The following ARHGAP21 variants were observed in gnomAD, a reference collection of about 807,000 sequenced individuals.
The protein encoded by ARHGAP21 is Rho GTPase activating protein 21.
In ARHGAP21, 38 loss-of-function variants were observed where a neutral mutation model predicts 164.6. The ratio of observed to expected loss-of-function variants is 0.23; its 90% confidence interval spans 0.18 to 0.30. The LOEUF (loss-of-function observed/expected upper bound fraction) is 0.30, where lower values mean the gene tolerates loss of function less well. Among genes scored for constraint, ARHGAP21 ranks in the 10% least tolerant of loss-of-function variants. The pLI is 1.00. For missense variants in ARHGAP21, 1,822 were observed against 2,370.7 expected (o/e 0.77, Z 4.81); for synonymous variants, 766 against 857.9 (o/e 0.89, Z 1.87).
Position 24,600,673 on chromosome 10 carries a change from G to A in ARHGAP21, c.3105C>T (p.Ile1035=). ...RDDMLAWIKT[I]QESSNLNEED... ...CTTCGTTTAGGTTGCTGCTCTCCTG[G>A]ATCGTCTTGATCCAAGCTAGCATAT... Residue 1035 remains isoleucine (I), a synonymous_variant, in exon 14 of 26, where the codon ATC becomes ATT. Coordinates refer to ENST00000396432, the MANE Select transcript of ARHGAP21 (RefSeq NM_020824.4). 6.2e-7 allele frequency: 1 copy of A among 1,613,830 alleles called. No individual in the cohort carries two copies. The highest frequency in any genetic ancestry group is 8.5e-7 in the Non-Finnish European group (1 of 1,179,806).
chr10:24,600,927 C>G lies in ARHGAP21; in HGVS notation c.2851G>C (p.Val951Leu). The G allele has an allele frequency of 6.2e-7, 1 of 1,608,864 alleles. No individual in the cohort carries two copies. The highest frequency in any genetic ancestry group is 8.5e-7 in the Non-Finnish European group (1 of 1,175,954). The change falls in exon 14 of 26, where the codon GTT becomes CTT. Residue 951 changes from valine (V) to leucine (L), a missense_variant. Transcript: ENST00000396432. The part of the protein sequence containing the change: ...RPLVTDKGKR[V>L]GGSIRPWKQM... ...TTCCATGGCCGAATACTTCCACCAA[C>G]TCGCTAGAAAACATGCGACAGTTCT... is the stretch of plus-strand genomic sequence containing the variant.
intron 2 of ARHGAP21, among the ~76,000 whole-genome samples, chr10:24,690,954 G>C (rs778048282): frequency 6.6e-6 from 1 of 151,682 alleles, no homozygotes; most frequent in Non-Finnish European, 1.5e-5. Flanking sequence ...GCGTCTTTAA[G>C]ATTAAATTAG....
chr10:24,592,188 C>T (rs1303612993), intron 21 of ARHGAP21, among the ~76,000 whole-genome samples, 176 bp from the exon 22 acceptor site: 6 of 105,252 alleles, frequency 5.7e-5, no homozygotes, highest in African/African-American at 1.9e-4. Flanking sequence ...TTTTCTGAGA[C>T]AGGGTCTCAC....
At chr10:24,680,105 TG>T (rs1161179414) in intron 2 of ARHGAP21, among the ~76,000 whole-genome samples, 18 of 152,312 alleles carry the variant, frequency 1.2e-4, no homozygotes, top group African/African-American at 3.4e-4. Context: ...TGTCCAGATT[TG>T]CTAAGTGATT....
intron 11 of ARHGAP21, among the ~76,000 whole-genome samples, chr10:24,606,302 G>A (rs983340277): frequency 6.6e-6 from 1 of 151,850 alleles, no homozygotes; most frequent in Non-Finnish European, 1.5e-5. Flanking sequence ...ACACATCACA[G>A]AAAAATGTTA....
intron 4 of ARHGAP21, among the ~76,000 whole-genome samples, chr10:24,643,298 TATC>T (rs1443845583): frequency 1.3e-5 from 2 of 152,372 alleles, no homozygotes; most frequent in East Asian, 1.9e-4. Context: ...CACACAGTAT[TATC>T]ATATCTAGAT....
chr10:24,723,708 A>AGGCCGCCGCCCCCGGCC lies in ARHGAP21; in HGVS notation c.-544_-528dup, dbSNP rs1368464707. 2 of 143,900 alleles carry AGGCCGCCGCCCCCGGCC rather than the reference A, an allele frequency of 1.4e-5. No individual in the cohort carries two copies. The highest frequency in any genetic ancestry group is 3.0e-5 in the Non-Finnish European group (2 of 65,636). 8.9% of individuals were successfully genotyped at this position (143,900 alleles called of 1,614,324 possible). A position where few individuals can be genotyped will look rare whatever the true frequency, so the allele number is the denominator to read the frequency against. ...CCGCCGCCGCCGCCGCCGCGCTCCG[A>AGGCCGCCGCCCCCGGCC]GGCCGCCGCCCCCGGCCGGCCGCTC... On this transcript the variant is annotated 5_prime_UTR_variant, in exon 1 of 26. Coordinates refer to ENST00000396432, the MANE Select transcript of ARHGAP21 (RefSeq NM_020824.4).
intron 9 of ARHGAP21, among the ~76,000 whole-genome samples, chr10:24,617,373 A>T (rs1469689375): frequency 1.3e-5 from 2 of 152,178 alleles, no homozygotes; most frequent in Non-Finnish European, 2.9e-5. Flanking sequence ...ATAAGATCGC[A>T]TGGGCCTGTG....
chr10:24,595,940 C>A lies in ARHGAP21; in HGVS notation c.3581G>T (p.Ser1194Ile). ...RVPGNNAAIS[S>I]MQEELNKGMA... ...TCCCTTGTTGAGTTCTTCTTGCATA[C>A]TTGAGATGGCTGCATTATTTCCAGG... Residue 1194 changes from serine (S) to isoleucine (I), a missense_variant, in exon 18 of 26, where the codon AGT becomes ATT. By Grantham distance (142) the Ser-to-Ile change is moderately radical. This residue lies in a region of ARHGAP21 where 117 missense variants were observed against 238.1 expected (regional missense o/e 0.49). Coordinates refer to ENST00000396432, the MANE Select transcript of ARHGAP21 (RefSeq NM_020824.4). The A allele has an allele frequency of 1.2e-6, 2 of 1,613,552 alleles. No individual in the cohort carries two copies. Among genetic ancestry groups the A allele is most frequent in the South Asian group, 2.2e-5 (2 of 90,952 alleles).
intron 2 of ARHGAP21, among the ~76,000 whole-genome samples, chr10:24,696,855 G>A (rs1843218910): frequency 1.3e-5 from 2 of 152,312 alleles, no homozygotes; most frequent in Non-Finnish European, 2.9e-5. Flanking sequence ...GACACTCCGT[G>A]TACCACGGCA....
intron 2 of ARHGAP21, among the ~76,000 whole-genome samples, chr10:24,721,115 C>T (rs1197327908): frequency 1.3e-5 from 2 of 152,054 alleles, no homozygotes; most frequent in African/African-American, 4.8e-5. Context: ...TCTCTGGGCC[C>T]TTGGGAAGAT....
intron 2 of ARHGAP21, among the ~76,000 whole-genome samples, chr10:24,672,960 T>C (rs967503354): frequency 1.3e-5 from 2 of 152,298 alleles, no homozygotes; most frequent in African/African-American, 4.8e-5. Flanking sequence ...CATTTATAAT[T>C]ACATTAAAAT....
intron 11 of ARHGAP21, 47 bp downstream of exon 11, chr10:24,607,452 A>G: frequency 6.6e-7 from 1 of 1,508,948 alleles, no homozygotes. Context: ...GTCATGCTGA[A>G]CACCCACCCA....
chr10:24,721,410 C>T lies in ARHGAP21; in HGVS notation c.63+427G>A, dbSNP rs544380078. Among the ~76,000 whole-genome samples, 7 of 152,310 alleles carry T rather than the reference C, an allele frequency of 4.6e-5. No homozygotes were observed. The South Asian group carries it at 1.0e-3, about 23-fold the overall frequency. ...AAGAAAGACTAAGTTCCAGGTGCAACAAGCATACTAGCTGCCCTCTCTGCA... is the reference window on the plus strand; with the variant it reads ...AAGAAAGACTAAGTTCCAGGTGCAATAAGCATACTAGCTGCCCTCTCTGCA... On this transcript the variant is annotated intron_variant, in intron 2 of 25. Transcript: ENST00000396432.
At chr10:24,587,267 G>A (rs1361052583) in intron 25 of ARHGAP21, among the ~76,000 whole-genome samples, 3 of 152,054 alleles carry the variant, frequency 2.0e-5, no homozygotes, top group Non-Finnish European at 4.4e-5. Flanking sequence ...TTACAGGCAT[G>A]AGCCACTGCA....
chr10:24,679,717 G>C (rs1841592982), intron 2 of ARHGAP21, among the ~76,000 whole-genome samples: 1 of 152,178 alleles, frequency 6.6e-6, no homozygotes, highest in Non-Finnish European at 1.5e-5. Context: ...GGCAAATGAT[G>C]ATGAGTATCT....
At chr10:24,589,582 A>T (rs749344810) in intron 24 of ARHGAP21, 3 of 359,006 alleles carry the variant, frequency 8.4e-6, no homozygotes, top group African/African-American at 2.2e-5. Flanking sequence ...CGTGTTTATT[A>T]GACTTTCTAA....
chr10:24,585,928 G>A lies in ARHGAP21; in HGVS notation c.4361C>T (p.Thr1454Ile), dbSNP rs1213401122. Residue 1454 changes from threonine (T) to isoleucine (I), a missense_variant, in exon 26 of 26, where the codon ACT (threonine) becomes ATT (isoleucine). Thr to Ile is a moderately conservative substitution (Grantham distance 89, BLOSUM62 -1). Transcript: ENST00000396432. The stretch of plus-strand genomic sequence containing the variant: ...ACTTTCTTTTTTGGACTCCTCTTTA[G>A]TATCATTGTGACACTGTTCCACATT... Reference protein sequence around the residue: ...KENVEQCHNDTKEESKKESET... With the variant: ...KENVEQCHNDIKEESKKESET... 17 of 1,614,010 alleles carry A rather than the reference G, an allele frequency of 1.1e-5. No homozygotes were observed. Among genetic ancestry groups the A allele is most frequent in the East Asian group, 8.9e-5 (4 of 44,876 alleles).
rs1337733939 is a variant in ARHGAP21, at chr10:24,670,242, C to T, written c.219G>A (p.Glu73=). Residue 73 remains glutamate (E), a synonymous_variant, in exon 3 of 26, where the codon GAG becomes GAA. Coordinates refer to ENST00000396432, the MANE Select transcript of ARHGAP21 (RefSeq NM_020824.4). ...TLRHFIVYPP[E]SAIQFSYKDE... Reference sequence around the variant, plus strand: ...CCTTATATGAAAATTGAATTGCAGACTCTGGGGGATAAACAATAAAATGTC... The same window carrying T: ...CCTTATATGAAAATTGAATTGCAGATTCTGGGGGATAAACAATAAAATGTC... 1 of 1,594,648 alleles carries T rather than the reference C, an allele frequency of 6.3e-7. No homozygotes were observed. The highest frequency in any genetic ancestry group is 2.3e-5 in the East Asian group (1 of 44,380).
Sources: allele counts gnomAD v4.1 joint callset (sites outside exome capture counted in the v4.1 genomes callset), GRCh38; gene constraint gnomAD v4.1.1; regional missense constraint gnomAD v4.1.1; transcripts MANE v1.5; gene names NCBI Gene and HGNC (gene_info 2026-07-23, HGNC 2026-07-21).